The following THSD7B variants were observed in gnomAD, a reference collection of about 807,000 sequenced individuals.
THSD7B encodes the protein thrombospondin type-1 domain-containing protein 7B.
THSD7B carries 138 observed loss-of-function variants against 213.6 expected under a neutral mutation model. That is an observed-to-expected ratio of 0.65 (90% CI 0.56 to 0.74). The LOEUF (loss-of-function observed/expected upper bound fraction) is 0.74, where lower values mean the gene tolerates loss of function less well. Among genes scored for constraint, THSD7B ranks in the 30% least tolerant of loss-of-function variants. THSD7B has a pLI of 0.00. For missense variants in THSD7B, 1,931 were observed against 1,991.5 expected (o/e 0.97, Z 0.58); for synonymous variants, 742 against 687.0 (o/e 1.08, Z -1.25).
intron 7 of THSD7B, among the ~76,000 whole-genome samples, chr2:137,206,499 G>T (rs1680987040): frequency 6.6e-6 from 1 of 151,964 alleles, no homozygotes; most frequent in Non-Finnish European, 1.5e-5. Flanking sequence ...ATTATCAGGG[G>T]GTCCCATACT....
At chr2:137,278,355 A>G (rs565355810) in intron 12 of THSD7B, among the ~76,000 whole-genome samples, 1 of 152,270 alleles carries the variant, frequency 6.6e-6, no homozygotes, top group South Asian at 2.1e-4. Context: ...ACTTTTCAAC[A>G]TCAGCACTGG....
chr2:136,856,688 T>C (rs540905760), intron 1 of THSD7B, among the ~76,000 whole-genome samples: 27 of 152,218 alleles, frequency 1.8e-4, no homozygotes, highest in African/African-American at 5.3e-4. Context: ...CTAACTTTTG[T>C]ATATTTTAGT....
intron 12 of THSD7B, among the ~76,000 whole-genome samples, chr2:137,343,608 T>G (rs1684809423): frequency 6.6e-6 from 1 of 151,720 alleles, no homozygotes; most frequent in Admixed American, 6.6e-5. Context: ...ATGTTTAGAC[T>G]TTGTCCCCAG....
At chr2:137,593,923 G>C (rs1681910699) in intron 17 of THSD7B, among the ~76,000 whole-genome samples, 1 of 151,782 alleles carries the variant, frequency 6.6e-6, no homozygotes, top group African/African-American at 2.4e-5. Flanking sequence ...TAGATATATG[G>C]TTCATCTCAA....
intron 21 of THSD7B, among the ~76,000 whole-genome samples, chr2:137,645,274 G>C (rs1329051257): frequency 2.0e-5 from 3 of 152,192 alleles, no homozygotes; most frequent in African/African-American, 7.2e-5. Context: ...CTATGATTAT[G>C]ATTATAAGCA....
intron 1 of THSD7B, among the ~76,000 whole-genome samples, chr2:136,835,741 A>G (rs912987015): frequency 6.6e-6 from 1 of 152,186 alleles, no homozygotes; most frequent in Non-Finnish European, 1.5e-5. Flanking sequence ...AGATTAATAT[A>G]TATTAGTCCT....
intron 12 of THSD7B, among the ~76,000 whole-genome samples, chr2:137,368,128 C>T (rs1178097632): frequency 6.6e-6 from 1 of 151,936 alleles, no homozygotes; most frequent in Non-Finnish European, 1.5e-5. Flanking sequence ...GAAGATTATG[C>T]AAAGAATGTG....
chr2:136,848,466 T>C (rs1683045751), intron 1 of THSD7B, among the ~76,000 whole-genome samples: 1 of 152,106 alleles, frequency 6.6e-6, no homozygotes. Flanking sequence ...GTTTTGGAGA[T>C]TTGAAAACTA....
chr2:136,874,266 T>C (rs1057487891), intron 1 of THSD7B, among the ~76,000 whole-genome samples: 1 of 152,204 alleles, frequency 6.6e-6, no homozygotes, highest in East Asian at 1.9e-4. Flanking sequence ...AGTTTTCTTA[T>C]CTCTAAAGTG....
intron 12 of THSD7B, among the ~76,000 whole-genome samples, chr2:137,279,132 A>G (rs1469828698): frequency 6.6e-6 from 1 of 152,144 alleles, no homozygotes; most frequent in African/African-American, 2.4e-5. Context: ...GAAACTGTAG[A>G]ACAGTAAAAA....
chr2:137,348,703 C>CTTTTTTTTTTTT (rs80150345), intron 12 of THSD7B, among the ~76,000 whole-genome samples: 47 of 110,906 alleles, frequency 4.2e-4, no homozygotes, highest in East Asian at 7.5e-4. Flanking sequence ...CTATGAACTC[C>CTTTTTTTTTTTT]TTTTTTTTTT....
intron 12 of THSD7B, among the ~76,000 whole-genome samples, chr2:137,298,609 G>A (rs1476848477): frequency 1.3e-5 from 2 of 152,124 alleles, no homozygotes; most frequent in African/African-American, 2.4e-5. Flanking sequence ...TCGTGGGCTG[G>A]GCCCAGGATC....
intron 4 of THSD7B, among the ~76,000 whole-genome samples, chr2:137,113,680 G>T (rs62172305): frequency 6.6e-6 from 1 of 151,892 alleles, no homozygotes; most frequent in Non-Finnish European, 1.5e-5. Context: ...CAGGTGATCC[G>T]CCCACCTCAG....
intron 2 of THSD7B, among the ~76,000 whole-genome samples, chr2:136,940,596 T>G (rs1339030402): frequency 6.6e-6 from 1 of 151,796 alleles, no homozygotes; most frequent in East Asian, 1.9e-4. Flanking sequence ...TTCACCATGT[T>G]GCCCAGGCTG....
intron 3 of THSD7B, among the ~76,000 whole-genome samples, chr2:137,091,994 C>T (rs1347318183): frequency 6.6e-6 from 1 of 152,144 alleles, no homozygotes; most frequent in Non-Finnish European, 1.5e-5. Flanking sequence ...GAGACATTTT[C>T]AGGAAAGTTT....
At position 137,571,627 on chromosome 2, in the gene THSD7B, C is replaced by T. The variant is rs186872562; in HGVS notation, c.3273-779C>T. On this transcript the variant is annotated intron_variant, in intron 16 of 27. Coordinates refer to ENST00000409968, the MANE Select transcript of THSD7B (RefSeq NM_001316349.2). ...GTTTTTACAATTTAATCCATTTTGG[C>T]AAGCATATAGTGGTATAACACTTTG... 7.6e-4 allele frequency among the ~76,000 whole-genome samples: 116 copies of T among 152,264 alleles called. 1 individual carries two copies. The highest frequency in any genetic ancestry group is 2.7e-3 in the African/African-American group (111 of 41,560).
chr2:137,148,228 C>T (rs150235725), intron 5 of THSD7B, among the ~76,000 whole-genome samples: 3 of 152,216 alleles, frequency 2.0e-5, no homozygotes, highest in African/African-American at 4.8e-5. Flanking sequence ...ATGTGAAGGA[C>T]GTGTTTGCTT....
At chr2:137,564,220 G>A (rs981815422) in intron 16 of THSD7B, among the ~76,000 whole-genome samples, 3 of 152,210 alleles carry the variant, frequency 2.0e-5, no homozygotes, top group Non-Finnish European at 4.4e-5. Context: ...TGAGTTAACT[G>A]TTGAAAGTCA....
intron 15 of THSD7B, among the ~76,000 whole-genome samples, chr2:137,454,356 C>T (rs1403325625): frequency 6.6e-6 from 1 of 151,940 alleles, no homozygotes; most frequent in Non-Finnish European, 1.5e-5. Flanking sequence ...AGTGAAAAAT[C>T]CTAAATTTAA....
Sources: allele counts gnomAD v4.1 joint callset (sites outside exome capture counted in the v4.1 genomes callset), GRCh38; gene constraint gnomAD v4.1.1; transcripts MANE v1.5; gene names NCBI Gene and HGNC (gene_info 2026-07-23, HGNC 2026-07-21).